Variants in IPO11 observed in about 807,000 individuals in gnomAD.
IPO11 encodes importin 11, also known as importin-11.
A neutral mutation model predicts 143.2 loss-of-function variants in IPO11; 66 were observed. The observed-to-expected ratio is 0.46, with a 90% CI of 0.38 to 0.57. The LOEUF (loss-of-function observed/expected upper bound fraction) is 0.57. Ranked by LOEUF, IPO11 falls within the 20% of genes least tolerant of loss-of-function variation. The pLI, the probability that IPO11 is intolerant of heterozygous loss-of-function variation, is 0.00. For synonymous variants in IPO11, 385 were observed against 377.8 expected (o/e 1.02, Z -0.22); for missense variants, 1,026 against 1,141.0 (o/e 0.90, Z 1.45).
At chr5:62,564,582 A>AT (rs752098138) in intron 27 of IPO11, among the ~76,000 whole-genome samples, 7 of 151,962 alleles carry the variant, frequency 4.6e-5, no homozygotes, top group Non-Finnish European at 1.0e-4. Context: ...GGTCCAGATG[A>AT]TAATTTTTTG....
chr5:62,483,970 G>T, intron 10 of IPO11, 40 bp from the exon 11 acceptor site: 1 of 1,536,302 alleles, frequency 6.5e-7, no homozygotes, highest in Non-Finnish European at 8.8e-7. Context: ...TAGCTACAAT[G>T]TTTGGCTATA....
intron 20 of IPO11, among the ~76,000 whole-genome samples, chr5:62,516,228 A>G (rs895867657): frequency 2.6e-5 from 4 of 152,250 alleles, no homozygotes; most frequent in African/African-American, 9.6e-5. Context: ...AGAAAAAACC[A>G]GAAACTTTTC....
At chr5:62,473,402 A>G (rs1210388291) in intron 7 of IPO11, among the ~76,000 whole-genome samples, 2 of 152,154 alleles carry the variant, frequency 1.3e-5, no homozygotes, top group Non-Finnish European at 2.9e-5. Context: ...TAGTTTTTTG[A>G]TGAGTCAGTG....
chr5:62,435,450 T>G (rs539982975), intron 1 of IPO11, among the ~76,000 whole-genome samples: 3 of 150,160 alleles, frequency 2.0e-5, no homozygotes, highest in African/African-American at 7.4e-5. Flanking sequence ...AAAAAAAAAT[T>G]AGCTGGGCCC....
At chr5:62,585,382 T>C (rs1009402245) in intron 27 of IPO11, among the ~76,000 whole-genome samples, 1 of 152,166 alleles carries the variant, frequency 6.6e-6, no homozygotes, top group Non-Finnish European at 1.5e-5. Flanking sequence ...TGTAGTCTTA[T>C]TATAAATGCT....
At chr5:62,603,858 C>T (rs969276219) in intron 29 of IPO11, among the ~76,000 whole-genome samples, 2 of 152,232 alleles carry the variant, frequency 1.3e-5, no homozygotes, top group Non-Finnish European at 2.9e-5. Context: ...GTCAACAGCA[C>T]ACTGCATATG....
intron 2 of IPO11, among the ~76,000 whole-genome samples, chr5:62,440,743 A>G (rs988622963): frequency 6.6e-6 from 1 of 151,902 alleles, no homozygotes; most frequent in African/African-American, 2.4e-5. Context: ...CAGGTGGATC[A>G]CCTGAGGTCA....
At chr5:62,554,023 G>A (rs1028364846) in intron 26 of IPO11, among the ~76,000 whole-genome samples, 3 of 152,118 alleles carry the variant, frequency 2.0e-5, no homozygotes, top group Non-Finnish European at 1.5e-5. Context: ...GAGTCACTGC[G>A]CCTGGCAGAT....
intron 29 of IPO11, among the ~76,000 whole-genome samples, chr5:62,626,109 A>C (rs1746562678): frequency 6.6e-6 from 1 of 151,896 alleles, no homozygotes; most frequent in African/African-American, 2.4e-5. Context: ...AGCTCACTGC[A>C]ACCTCCGCAT....
At chr5:62,531,123 A>G (rs904381071) in intron 22 of IPO11, among the ~76,000 whole-genome samples, 1 of 152,206 alleles carries the variant, frequency 6.6e-6, no homozygotes, top group Non-Finnish European at 1.5e-5. Flanking sequence ...GAGAACATAC[A>G]TACCTTCCAT....
intron 27 of IPO11, among the ~76,000 whole-genome samples, chr5:62,585,385 TAAA>T (rs1744733879): frequency 2.0e-5 from 3 of 152,302 alleles, no homozygotes; most frequent in Non-Finnish European, 1.5e-5. Flanking sequence ...AGTCTTATTA[TAAA>T]TGCTACTGAC....
intron 27 of IPO11, chr5:62,580,362 T>C (rs1295908876): frequency 9.1e-6 from 14 of 1,546,628 alleles, no homozygotes; most frequent in Admixed American, 7.8e-5. Flanking sequence ...TTAAGTTAGA[T>C]AGAAACAGAA....
At chr5:62,514,634 G>GGGAGAC (rs1741939306) in intron 19 of IPO11, among the ~76,000 whole-genome samples, 4 of 148,010 alleles carry the variant, frequency 2.7e-5, no homozygotes, top group South Asian at 2.1e-4. Flanking sequence ...GAGAGGGAGA[G>GGGAGAC]GGAGACGGGA....
chr5:62,499,943 C>T (rs1339953756), intron 16 of IPO11, among the ~76,000 whole-genome samples: 1 of 152,142 alleles, frequency 6.6e-6, no homozygotes, highest in Non-Finnish European at 1.5e-5. Context: ...ACTAGAAGGT[C>T]TTCTGGGGCG....
chr5:62,614,703 A>T (rs1198015630), intron 29 of IPO11, among the ~76,000 whole-genome samples: 3 of 147,796 alleles, frequency 2.0e-5, no homozygotes, highest in Middle Eastern at 3.4e-3. Flanking sequence ...CGAAAACCCA[A>T]GTGTGCGTGT....
intron 5 of IPO11, among the ~76,000 whole-genome samples, chr5:62,454,308 AT>A (rs1745047471): frequency 6.6e-6 from 1 of 152,146 alleles, no homozygotes; most frequent in Non-Finnish European, 1.5e-5. Flanking sequence ...TTTCTGTGAA[AT>A]TGTCTTTCCT....
At chr5:62,443,319 G>A (rs890848680) in intron 3 of IPO11, 8 of 384,822 alleles carry the variant, frequency 2.1e-5, no homozygotes, top group Non-Finnish European at 3.7e-5. Flanking sequence ...CTGAATAAGT[G>A]TTCTATTTAG....
chr5:62,531,973 G>T (rs1242062459), intron 22 of IPO11, among the ~76,000 whole-genome samples: 1 of 152,122 alleles, frequency 6.6e-6, no homozygotes, highest in East Asian at 1.9e-4. Flanking sequence ...GGCCTTTTTA[G>T]TTCTGTTCTA....
intron 16 of IPO11, 137 bp downstream of exon 16, chr5:62,494,261 T>A: frequency 1.6e-6 from 1 of 625,822 alleles, no homozygotes; most frequent in Non-Finnish European, 2.4e-6. Flanking sequence ...TGGTGAGCAG[T>A]TTGATTTGAG....
Sources: allele counts gnomAD v4.1 joint callset (sites outside exome capture counted in the v4.1 genomes callset), GRCh38; gene constraint gnomAD v4.1.1; transcripts MANE v1.5; gene names NCBI Gene and HGNC (gene_info 2026-07-23, HGNC 2026-07-21).